The following ASAP2 variants were observed in gnomAD, a reference collection of about 807,000 sequenced individuals.
The protein encoded by ASAP2 is ArfGAP with SH3 domain, ankyrin repeat and PH domain 2.
ASAP2 carries 45 observed loss-of-function variants against 131.4 expected under a neutral mutation model. That is an observed-to-expected ratio of 0.34 (90% CI 0.27 to 0.44). ASAP2 has a LOEUF of 0.44. Ranked by LOEUF, ASAP2 falls within the 20% of genes least tolerant of loss-of-function variation. The pLI is 1.00. For synonymous variants in ASAP2, 510 were observed against 503.0 expected, an observed-to-expected ratio of 1.01 and a Z score of -0.19; for missense variants, 1,011 against 1,297.0, an observed-to-expected ratio of 0.78 and a Z score of 3.39.
chr2:9,320,623 G>A (rs577428762), intron 5 of ASAP2, among the ~76,000 whole-genome samples: 36 of 152,168 alleles, frequency 2.4e-4, no homozygotes, highest in Non-Finnish European at 3.2e-4. Flanking sequence ...CTCTTAGGAG[G>A]TATTTCTTTC....
Position 9,405,449 on chromosome 2 carries a change from A to AG in ASAP2, c.*2126dup, listed in dbSNP as rs1677140851. On this transcript the variant is annotated 3_prime_UTR_variant, in exon 28 of 28. Transcript: ENST00000281419. ...CTAAGAGTAACTGTGTGATCTGTTA[A>AG]GGGGTGGATAACATAATATGCAGCT... 1 of 152,624 alleles carries AG rather than the reference A, an allele frequency of 6.6e-6. No individual in the cohort carries two copies. The highest frequency in any genetic ancestry group is 2.1e-4 in the South Asian group (1 of 4,828). 9.5% of individuals were successfully genotyped at this position (152,624 alleles called of 1,614,324 possible). A position where few individuals can be genotyped will look rare whatever the true frequency, so the allele number is the denominator to read the frequency against.
chr2:9,393,282 T>G (rs771164721), intron 23 of ASAP2, among the ~76,000 whole-genome samples, 200 bp from the exon 24 acceptor site: 76 of 152,224 alleles, frequency 5.0e-4, no homozygotes, highest in Admixed American at 9.2e-4. Flanking sequence ...GGCTCCCAGC[T>G]TCCTTATTAG....
intron 3 of ASAP2, among the ~76,000 whole-genome samples, chr2:9,304,538 T>C (rs963323597): frequency 7.8e-6 from 1 of 127,658 alleles, no homozygotes; most frequent in Non-Finnish European, 1.7e-5. Flanking sequence ...TGTACATAGG[T>C]GGGAGGGCTG....
chr2:9,380,005 A>AT (rs1335663370), intron 19 of ASAP2, among the ~76,000 whole-genome samples: 22 of 126,778 alleles, frequency 1.7e-4, no homozygotes, highest in African/African-American at 7.7e-4. Flanking sequence ...AAAAAAAAAT[A>AT]AATAAAGTAT....
chr2:9,374,480 C>T (rs985236290), intron 16 of ASAP2, among the ~76,000 whole-genome samples: 4 of 152,178 alleles, frequency 2.6e-5, no homozygotes, highest in Non-Finnish European at 5.9e-5. Context: ...GGTCAGATCA[C>T]AGAACTTAGG....
At chr2:9,235,750 C>A (rs1332012643) in intron 1 of ASAP2, among the ~76,000 whole-genome samples, 1 of 152,086 alleles carries the variant, frequency 6.6e-6, no homozygotes, top group East Asian at 1.9e-4. Context: ...GTGATGGGAA[C>A]ATGTAAGAAG....
At chr2:9,286,071 A>G (rs1178709535) in intron 2 of ASAP2, among the ~76,000 whole-genome samples, 1 of 152,170 alleles carries the variant, frequency 6.6e-6, no homozygotes, top group Non-Finnish European at 1.5e-5. Flanking sequence ...AAATATATAT[A>G]ATAGTTGAGG....
chr2:9,397,469 G>C (rs146788349), intron 24 of ASAP2, among the ~76,000 whole-genome samples: 1 of 152,060 alleles, frequency 6.6e-6, no homozygotes, highest in African/African-American at 2.4e-5. Context: ...GAGCCATGTC[G>C]TCAGCGCCCA....
At chr2:9,399,721 C>T (rs1042563250) in intron 24 of ASAP2, 25 of 451,078 alleles carry the variant, frequency 5.5e-5, no homozygotes, top group African/African-American at 2.8e-4. Context: ...TGAGCAGACT[C>T]GGGGCGGGGC....
intron 1 of ASAP2, among the ~76,000 whole-genome samples, chr2:9,274,615 G>A (rs1362984285): frequency 6.6e-6 from 1 of 151,838 alleles, no homozygotes; most frequent in Non-Finnish European, 1.5e-5. Context: ...GAGCCACCGC[G>A]TCCAGCCTAA....
chr2:9,256,873 C>T (rs1054261772), intron 1 of ASAP2, among the ~76,000 whole-genome samples: 2 of 152,184 alleles, frequency 1.3e-5, no homozygotes, highest in Admixed American at 6.5e-5. Context: ...GTCTCTTAGC[C>T]GCTTGTCCTG....
chr2:9,391,257 G>T, intron 23 of ASAP2, 61 bp downstream of exon 23: 1 of 1,559,192 alleles, frequency 6.4e-7, no homozygotes, highest in East Asian at 2.2e-5. Flanking sequence ...ATGGCGGGGG[G>T]TGCTCTCTGG....
chr2:9,400,910 A>G, intron 26 of ASAP2, 80 bp downstream of exon 26: 1 of 1,370,018 alleles, frequency 7.3e-7, no homozygotes, highest in Non-Finnish European at 1.0e-6. Flanking sequence ...CAGGGGAAGC[A>G]AGTCTTCCCC....
chr2:9,297,151 C>A, intron 2 of ASAP2, 149 bp from the exon 3 acceptor site: 1 of 969,636 alleles, frequency 1.0e-6, no homozygotes, highest in Non-Finnish European at 1.5e-6. Context: ...GTTGGGATAA[C>A]GAAGCTATTT....
intron 1 of ASAP2, among the ~76,000 whole-genome samples, chr2:9,239,549 C>G (rs1220552396): frequency 6.6e-6 from 1 of 152,058 alleles, no homozygotes; most frequent in Non-Finnish European, 1.5e-5. Flanking sequence ...GTACCATTTT[C>G]TTTATTTTAT....
intron 3 of ASAP2, among the ~76,000 whole-genome samples, chr2:9,306,014 G>T (rs1449891836): frequency 1.3e-5 from 2 of 149,896 alleles, no homozygotes; most frequent in South Asian, 4.2e-4. Context: ...GTAGTAGTGG[G>T]GTGGTAGATA....
chr2:9,254,208 CAAA>C (rs1167547534), intron 1 of ASAP2, among the ~76,000 whole-genome samples: 280 of 15,372 alleles, frequency 0.018, no homozygotes, highest in African/African-American at 0.076. Context: ...GAGACTGTCT[CAAA>C]AAAAAAAAAA....
chr2:9,221,127 T>C (rs1433406421), intron 1 of ASAP2, among the ~76,000 whole-genome samples: 1 of 152,182 alleles, frequency 6.6e-6, no homozygotes. Flanking sequence ...AAGATTGTTT[T>C]GGCTATTGAG....
At position 9,405,631 on chromosome 2, in the gene ASAP2, T is replaced by C. The variant is rs41264171; in HGVS notation, c.*2304T>C. On this transcript the variant is annotated 3_prime_UTR_variant, in exon 28 of 28. Coordinates refer to ENST00000281419, the MANE Select transcript of ASAP2 (RefSeq NM_003887.3). ...GCATGTTTAATAAGTTTACTCTTCT[T>C]GTTAACTAGTCATTTGACTGGAAAA... 6.6e-6 allele frequency: 1 copy of C among 152,654 alleles called. No homozygotes were observed. The highest frequency in any genetic ancestry group is 1.5e-5 in the Non-Finnish European group (1 of 68,044). 9.5% of individuals were successfully genotyped at this position (152,654 alleles called of 1,614,324 possible).
Sources: allele counts gnomAD v4.1 joint callset (sites outside exome capture counted in the v4.1 genomes callset), GRCh38; gene constraint gnomAD v4.1.1; transcripts MANE v1.5; gene names NCBI Gene and HGNC (gene_info 2026-07-23, HGNC 2026-07-21).